The following MYO1C variants were observed in gnomAD, a reference collection of about 807,000 sequenced individuals.
MYO1C encodes myosin IC.
MYO1C carries 104 observed loss-of-function variants against 150.8 expected under a neutral mutation model. The ratio of observed to expected loss-of-function variants is 0.69; its 90% CI spans 0.59 to 0.81. The LOEUF is 0.81. MYO1C is among the 30% of genes least tolerant of loss of function. The pLI is 0.00. For missense variants in MYO1C, 1,504 were observed against 1,435.0 expected, an observed-to-expected ratio of 1.05 and a Z score of -0.78; for synonymous variants, 663 against 579.9, an observed-to-expected ratio of 1.14 and a Z score of -2.06.
At chr17:1,484,018 G>A in intron 2 of MYO1C, 130 bp downstream of exon 2, 3 of 1,218,138 alleles carry the variant, frequency 2.5e-6, no homozygotes, top group South Asian at 1.3e-5. Flanking sequence ...CTCCAGCCTG[G>A]GCAACAAGAG....
chr17:1,470,468 G>T lies in MYO1C; in HGVS notation c.2333C>A (p.Ala778Asp). Residue 778 changes from alanine to aspartate, a missense_variant, in exon 23 of 32, where the codon GCC becomes GAC. Ala to Asp is a moderately radical substitution (Grantham distance 126). Coordinates refer to ENST00000648651, the MANE Select transcript of MYO1C (RefSeq NM_001080779.2). Reference sequence around the variant, plus strand: ...GGTCTGTGCCGCCCACTTCCTCTTGGCTGCCTTCCTCCGGCCCAGTGTTCC... The same window carrying T: ...GGTCTGTGCCGCCCACTTCCTCTTGTCTGCCTTCCTCCGGCCCAGTGTTCC... ...WRGTLGRRKA[A>D]KRKWAAQTIR... The T allele has an allele frequency of 7.7e-6, 12 of 1,550,928 alleles. No homozygotes were observed. Among genetic ancestry groups the T allele is most frequent in the Non-Finnish European group, 9.6e-6 (11 of 1,147,174 alleles).
intron 30 of MYO1C, 61 bp from the exon 31 acceptor site, chr17:1,467,402 A>G: frequency 6.3e-7 from 1 of 1,591,328 alleles, no homozygotes; most frequent in South Asian, 1.1e-5. Flanking sequence ...CCTAAGGTGG[A>G]CCCCCACCCT....
At chr17:1,484,106 T>C (rs1277647173) in intron 2 of MYO1C, 42 bp downstream of exon 2, 1 of 1,608,910 alleles carries the variant, frequency 6.2e-7, no homozygotes, top group South Asian at 1.1e-5. Flanking sequence ...TGCCTGTGTC[T>C]GTGACCCCAG....
At chr17:1,492,385 C>T in intron 1 of MYO1C, 28 bp downstream of exon 1, 1 of 1,582,436 alleles carries the variant, frequency 6.3e-7, no homozygotes, top group African/African-American at 1.3e-5. Context: ...CTCCCACCCT[C>T]CTCCCAGCCC....
Position 1,478,555 on chromosome 17 carries a change from C to T in MYO1C, c.1212+61G>A. The T allele has an allele frequency of 5.0e-6, 8 of 1,613,568 alleles. No individual in the cohort carries two copies. The highest frequency in any genetic ancestry group is 6.8e-6 in the Non-Finnish European group (8 of 1,179,818). ...CGCGTGCCAGCCCCACCCTGCAGCA[C>T]CCCCCGCCTCGCCGACGGCCCTCCC... is the stretch of plus-strand genomic sequence containing the variant. On this transcript the variant is annotated intron_variant, in intron 10 of 31. Coordinates refer to ENST00000648651, the MANE Select transcript of MYO1C (RefSeq NM_001080779.2). This position sits in a 1 kb window ranked among gnomAD's most constrained non-coding sequence, Gnocchi z 6.3.
At chr17:1,475,064 C>T in intron 14 of MYO1C, 32 bp from the exon 15 acceptor site, 2 of 1,547,898 alleles carry the variant, frequency 1.3e-6, no homozygotes, top group Non-Finnish European at 1.7e-6. Context: ...CTGCAGATGG[C>T]TGCCGGCCTG....
chr17:1,480,236 C>T (rs1294197834), intron 7 of MYO1C, among the ~76,000 whole-genome samples: 3 of 150,674 alleles, frequency 2.0e-5, no homozygotes, highest in African/African-American at 7.3e-5. Context: ...CACCTGAGGT[C>T]GGGAGTTCGA....
Position 1,465,618 on chromosome 17 carries a change from G to A in MYO1C, c.*108C>T, listed in dbSNP as rs1208720633. 10 of 1,168,148 alleles carry A rather than the reference G, an allele frequency of 8.6e-6. No homozygotes were observed. Among genetic ancestry groups the A allele is most frequent in the East Asian group, 2.9e-5 (1 of 34,856 alleles). 72.4% of individuals were successfully genotyped at this position (1,168,148 alleles called of 1,614,324 possible). A position where few individuals can be genotyped will look rare whatever the true frequency, so the allele number is the denominator to read the frequency against. On this transcript the variant is annotated 3_prime_UTR_variant, in exon 32 of 32. Coordinates refer to ENST00000648651, the MANE Select transcript of MYO1C (RefSeq NM_001080779.2). ...AGGTGGGAGATTGCAGGTGGGCTTC[G>A]GGGTGTCCCTGGGTCCCTGTCTGGA... is the stretch of plus-strand genomic sequence containing the variant.
At position 1,479,777 on chromosome 17, in the gene MYO1C, G is replaced by C; in HGVS notation, c.907-72C>G. On this transcript the variant is annotated intron_variant, in intron 7 of 31. Transcript: ENST00000648651. The surrounding 1 kb of genome is among the most constrained non-coding windows in gnomAD (Gnocchi z 4.2). ...GCCCCAAGAGGGCAACTAGCAGATGGCCATGCAGGGGTGGGTGGTGAAGTG... is the reference window on the plus strand; with the variant it reads ...GCCCCAAGAGGGCAACTAGCAGATGCCCATGCAGGGGTGGGTGGTGAAGTG... 9.7e-7 allele frequency: 1 copy of C among 1,035,898 alleles called. No individual in the cohort carries two copies. The highest frequency in any genetic ancestry group is 1.5e-6 in the Non-Finnish European group (1 of 681,762). 64.2% of individuals were successfully genotyped at this position (1,035,898 alleles called of 1,614,324 possible).
Position 1,465,505 on chromosome 17 carries a change from C to T in MYO1C, c.*221G>A, listed in dbSNP as rs1332025114. ...AGGGCTGGCATGGCTCGCTCTGGCC[C>T]TGGCTTTCCTATTGCTGTGGCCCGG... On this transcript the variant is annotated 3_prime_UTR_variant, in exon 32 of 32. Transcript: ENST00000648651. 2.8e-5 allele frequency: 12 copies of T among 422,822 alleles called. No homozygotes were observed. The highest frequency in any genetic ancestry group is 4.9e-5 in the Non-Finnish European group (12 of 244,568). The allele number at this position is 422,822 out of a possible 1,614,324, so 26.2% of individuals were successfully genotyped here. A position where few individuals can be genotyped will look rare whatever the true frequency, so the allele number is the denominator to read the frequency against.
chr17:1,485,062 G>T, intron 1 of MYO1C: 1 of 1,215,998 alleles, frequency 8.2e-7, no homozygotes, highest in Non-Finnish European at 1.1e-6. Context: ...CAGCTGCTGG[G>T]CTCCCCAGGC....
chr17:1,484,658 G>T (rs1035912997), intron 1 of MYO1C: 20 of 464,912 alleles, frequency 4.3e-5, no homozygotes, highest in African/African-American at 3.2e-4. Flanking sequence ...TGGAGAAAGG[G>T]GGGGTCACAA....
chr17:1,490,466 C>G (rs2074716815), intron 1 of MYO1C, among the ~76,000 whole-genome samples: 1 of 152,152 alleles, frequency 6.6e-6, no homozygotes, highest in South Asian at 2.1e-4. Flanking sequence ...CCACTGCATT[C>G]CATCCTGGGC....
intron 14 of MYO1C, 121 bp downstream of exon 14, chr17:1,477,384 C>T: frequency 1.1e-6 from 1 of 899,076 alleles, no homozygotes; most frequent in East Asian, 2.6e-5. Flanking sequence ...GTCCTTAACT[C>T]AGCACCGTCC....
At position 1,479,034 on chromosome 17, in the gene MYO1C, G is replaced by C. The variant is rs573853038; in HGVS notation, c.1093-299C>G. 8.5e-4 allele frequency among the ~76,000 whole-genome samples: 130 copies of C among 152,082 alleles called. No homozygotes were observed. The highest frequency in any genetic ancestry group is 1.5e-3 in the Non-Finnish European group (103 of 68,000). ...TCACTGTGCTGCTTCTTTTTTTTGA[G>C]ACAGAGTCTAGCTCTGTTGCCGTGA... On this transcript the variant is annotated intron_variant, in intron 9 of 31. Transcript: ENST00000648651. The surrounding 1 kb of genome is among the most constrained non-coding windows in gnomAD (Gnocchi z 4.2).
chr17:1,485,580 T>C, intron 1 of MYO1C: 4 of 853,640 alleles, frequency 4.7e-6, no homozygotes, highest in Non-Finnish European at 4.4e-6. Flanking sequence ...CCGGGACGTT[T>C]TTCCACCCGG....
rs989444316 is a variant in MYO1C at position 1,465,674 on chromosome 17, G to A, written c.*52C>T. Reference sequence around the variant, plus strand: ...GAGTCTTTGGTAACTGGGAAGGGGAGGAGGAGAAAAGCAAAGCATTGGGCG... The same window carrying A: ...GAGTCTTTGGTAACTGGGAAGGGGAAGAGGAGAAAAGCAAAGCATTGGGCG... On this transcript the variant is annotated 3_prime_UTR_variant, in exon 32 of 32. Coordinates refer to ENST00000648651, the MANE Select transcript of MYO1C (RefSeq NM_001080779.2). The A allele has an allele frequency of 7.5e-7, 1 of 1,326,866 alleles. No individual in the cohort carries two copies. The highest frequency in any genetic ancestry group is 9.7e-7 in the Non-Finnish European group (1 of 1,026,216). 82.2% of individuals were successfully genotyped at this position (1,326,866 alleles called of 1,614,324 possible).
intron 24 of MYO1C, 51 bp from the exon 25 acceptor site, chr17:1,469,665 C>T (rs1382242006): frequency 7.0e-7 from 1 of 1,421,800 alleles, no homozygotes; most frequent in East Asian, 2.4e-5. Context: ...GCCCTTCCCT[C>T]TGAAGACATC....
At chr17:1,480,229 C>T (rs2074490283) in intron 7 of MYO1C, among the ~76,000 whole-genome samples, 2 of 151,374 alleles carry the variant, frequency 1.3e-5, no homozygotes, top group East Asian at 2.0e-4. Context: ...GGCGGATCAC[C>T]TGAGGTCGGG....
Sources: allele counts gnomAD v4.1 joint callset (sites outside exome capture counted in the v4.1 genomes callset), GRCh38; gene constraint gnomAD v4.1.1; non-coding constraint Gnocchi (gnomAD v3.1); transcripts MANE v1.5; gene names NCBI Gene and HGNC (gene_info 2026-07-23, HGNC 2026-07-21).